SIMC1: variants seen among roughly 807,000 people sequenced by gnomAD.
The protein encoded by SIMC1 is SUMO interacting motifs containing 1.
Under a neutral mutation model 82.3 loss-of-function variants are expected in SIMC1, and 55 were observed. The observed-to-expected ratio is 0.67, with a 90% CI of 0.54 to 0.84. The LOEUF (loss-of-function observed/expected upper bound fraction) is 0.84. Ranked by LOEUF, SIMC1 falls within the 40% of genes least tolerant of loss-of-function variation. The pLI is 0.00. For missense variants in SIMC1, 915 were observed against 1,107.2 expected (o/e 0.83, Z 2.46); for synonymous variants, 353 against 426.3 (o/e 0.83, Z 2.12).
intron 1 of SIMC1, among the ~76,000 whole-genome samples, chr5:176,282,045 A>G (rs1763033059): frequency 6.6e-6 from 1 of 152,256 alleles, no homozygotes; most frequent in Non-Finnish European, 1.5e-5. Flanking sequence ...TGGAGCCTAC[A>G]GAGGCAGGCA....
intron 1 of SIMC1, among the ~76,000 whole-genome samples, chr5:176,255,255 A>G (rs1761811629): frequency 6.7e-6 from 1 of 149,722 alleles, no homozygotes. Context: ...AAAAAAAAAG[A>G]ACCAATAATG....
intron 4 of SIMC1, chr5:176,308,921 T>C (rs1764541547): frequency 1.0e-5 from 13 of 1,287,066 alleles, no homozygotes; most frequent in Non-Finnish European, 1.5e-5. Flanking sequence ...TCTACAGTGG[T>C]TGGAGGACAG....
At chr5:176,251,162 C>A (rs1175082941) in intron 1 of SIMC1, among the ~76,000 whole-genome samples, 3 of 152,056 alleles carry the variant, frequency 2.0e-5, no homozygotes, top group African/African-American at 7.2e-5. Flanking sequence ...GAGATCGAGA[C>A]CATCCTGGGC....
chr5:176,255,249 A>T (rs1473881292), intron 1 of SIMC1, among the ~76,000 whole-genome samples: 7 of 150,134 alleles, frequency 4.7e-5, no homozygotes. Flanking sequence ...ACCTCAAAAA[A>T]AAAAGAACCA....
intron 1 of SIMC1, among the ~76,000 whole-genome samples, chr5:176,265,230 T>C (rs531782597): frequency 6.6e-6 from 1 of 152,130 alleles, no homozygotes; most frequent in East Asian, 1.9e-4. Flanking sequence ...AATTTTTTCC[T>C]TCAGGAGTAT....
At chr5:176,260,410 AACTT>A (rs1236982234) in intron 1 of SIMC1, among the ~76,000 whole-genome samples, 2 of 152,130 alleles carry the variant, frequency 1.3e-5, no homozygotes, top group African/African-American at 4.8e-5. Context: ...ACCACTAAAG[AACTT>A]ACTTGTGTGA....
chr5:176,293,861 GA>G (rs1763688342), intron 2 of SIMC1, among the ~76,000 whole-genome samples: 1 of 151,910 alleles, frequency 6.6e-6, no homozygotes, highest in South Asian at 2.1e-4. Flanking sequence ...TGGAAAAATT[GA>G]AAAATATAGA....
chr5:176,246,612 TTTA>T (rs1332152633), intron 1 of SIMC1, among the ~76,000 whole-genome samples: 2 of 151,836 alleles, frequency 1.3e-5, no homozygotes, highest in African/African-American at 4.8e-5. Flanking sequence ...TAATTTTTTA[TTTA>T]TTATTATTAT....
At chr5:176,280,000 C>A (rs1177329735) in intron 1 of SIMC1, among the ~76,000 whole-genome samples, 1 of 151,942 alleles carries the variant, frequency 6.6e-6, no homozygotes, top group Non-Finnish European at 1.5e-5. Context: ...CCGCTTGGTG[C>A]AGAGCTGAGT....
Position 176,336,726 on chromosome 5 carries a change from G to A in SIMC1, c.2178G>A (p.Met726Ile), listed in dbSNP as rs1423237908. 2.5e-6 allele frequency: 4 copies of A among 1,613,924 alleles called. No individual in the cohort carries two copies. Among genetic ancestry groups the A allele is most frequent in the South Asian group, 1.1e-5 (1 of 91,066 alleles). ...LDIPERSQRE[M>I]FFTTMESHLL... ...CTTCCTCTTCTCCACACAGAGAAAT[G>A]TTCTTTACTACCATGGAAAGCCACC... is the stretch of plus-strand genomic sequence containing the variant. Residue 726 changes from methionine to isoleucine, a missense_variant, in exon 8 of 10, where the codon ATG (methionine) becomes ATA (isoleucine). This residue lies in a region of SIMC1 where 902 missense variants were observed against 1,040.3 expected (regional missense o/e 0.87). Transcript: ENST00000429602.
At chr5:176,291,330 ATTTT>A (rs70991527) in intron 2 of SIMC1, among the ~76,000 whole-genome samples, 3 of 71,606 alleles carry the variant, frequency 4.2e-5, no homozygotes, top group African/African-American at 1.7e-4. Flanking sequence ...TGCCCGGCTA[ATTTT>A]TTTTTTTTTT....
chr5:176,290,632 A>G lies in SIMC1; in HGVS notation c.1108A>G (p.Arg370Gly), dbSNP rs775199292. The stretch of plus-strand genomic sequence containing the variant: ...AGACATCCCTCACTTACCAGGAGAC[A>G]GGCCTGACTTTACCCAGAATGATGT... ...PRDIPHLPGD[R>G]PDFTQNDVQN... Residue 370 changes from arginine (R) to glycine (G), a missense_variant, in exon 2 of 10, where the codon AGG (arginine) becomes GGG (glycine). Arg to Gly is a moderately radical substitution (Grantham distance 125, BLOSUM62 -2). This residue lies in a region of SIMC1 where 902 missense variants were observed against 1,040.3 expected (regional missense o/e 0.87). Transcript: ENST00000429602. 1 of 1,614,010 alleles carries G rather than the reference A, an allele frequency of 6.2e-7. No individual in the cohort carries two copies. The highest frequency in any genetic ancestry group is 8.5e-7 in the Non-Finnish European group (1 of 1,179,898).
chr5:176,287,179 C>T (rs1247227826), intron 1 of SIMC1, among the ~76,000 whole-genome samples: 9 of 152,136 alleles, frequency 5.9e-5, no homozygotes, highest in African/African-American at 1.7e-4. Context: ...CACATGCACA[C>T]GTATGTTTAT....
At position 176,333,458 on chromosome 5, in the gene SIMC1, T is replaced by TG. The variant is rs551738800; in HGVS notation, c.2172-3262_2172-3261insG. Among the ~76,000 whole-genome samples the TG allele has an allele frequency of 7.2e-5, 11 of 152,104 alleles. No individual in the cohort carries two copies. The East Asian group carries it at 2.1e-3, about 30-fold the overall frequency. ...GTTGTGTTTTGTTTGAGATAGGGTCTCACTCTGTCGCCCAGACTGGAGTCC... is the reference window on the plus strand; with the variant it reads ...GTTGTGTTTTGTTTGAGATAGGGTCTGCACTCTGTCGCCCAGACTGGAGTCC... On this transcript the variant is annotated intron_variant, in intron 7 of 9. Transcript: ENST00000429602.
chr5:176,271,408 AAAG>A (rs1239843537), intron 1 of SIMC1, among the ~76,000 whole-genome samples: 2 of 152,200 alleles, frequency 1.3e-5, no homozygotes, highest in Non-Finnish European at 2.9e-5. Context: ...TATATCCAGT[AAAG>A]AAATAGAATC....
Position 176,290,328 on chromosome 5 carries a change from G to T in SIMC1, c.804G>T (p.Val268=). The T allele has an allele frequency of 6.2e-7, 1 of 1,613,696 alleles. No homozygotes were observed. The highest frequency in any genetic ancestry group is 8.5e-7 in the Non-Finnish European group (1 of 1,179,864). The part of the protein sequence containing the change: ...LPALTHPPQE[V]PCPRQNIPGP... ...CTCTAACTCACCCACCTCAAGAAGT[G>T]CCATGCCCTCGGCAGAATATCCCAG... The change falls in exon 2 of 10, where the codon GTG becomes GTT. Residue 268 remains valine (V), a synonymous_variant. Coordinates refer to ENST00000429602, the MANE Select transcript of SIMC1 (RefSeq NM_001308195.2).
At chr5:176,298,046 G>A (rs1763896254) in intron 4 of SIMC1, among the ~76,000 whole-genome samples, 1 of 152,208 alleles carries the variant, frequency 6.6e-6, no homozygotes, top group Admixed American at 6.5e-5. Context: ...ACCCCATGGA[G>A]ACACTGAATT....
chr5:176,263,092 T>C (rs966776351), intron 1 of SIMC1, among the ~76,000 whole-genome samples: 6 of 152,102 alleles, frequency 3.9e-5, no homozygotes, highest in Non-Finnish European at 8.8e-5. Flanking sequence ...TATAACAAAA[T>C]ATCTACAAAA....
At chr5:176,246,980 G>T (rs1345129269) in intron 1 of SIMC1, among the ~76,000 whole-genome samples, 1 of 152,090 alleles carries the variant, frequency 6.6e-6, no homozygotes, top group Non-Finnish European at 1.5e-5. Flanking sequence ...TGGTGTATAT[G>T]TGCCACATTT....
Sources: gnomAD v4.1 joint callset for allele counts (sites outside exome capture counted in the v4.1 genomes callset) on GRCh38, gnomAD v4.1.1 for gene constraint, gnomAD v4.1.1 regional missense constraint, MANE v1.5 for transcripts, NCBI Gene and HGNC (gene_info 2026-07-23, HGNC 2026-07-21) for gene names.